BRMS1: variants seen among roughly 807,000 people sequenced by gnomAD.
BRMS1 encodes the protein breast cancer metastasis-suppressor 1.
Under a neutral mutation model 40.4 loss-of-function variants are expected in BRMS1, and 26 were observed. The ratio of observed to expected loss-of-function variants is 0.64; its 90% confidence interval spans 0.47 to 0.89. The LOEUF (loss-of-function observed/expected upper bound fraction) is 0.89, where lower values mean the gene tolerates loss of function less well. BRMS1 is among the 40% of genes least tolerant of loss of function. The probability of loss-of-function intolerance (pLI) is 0.00; values close to 1 mark genes in which losing one functional copy is unlikely to be tolerated. For synonymous variants in BRMS1, 103 were observed against 116.0 expected, an observed-to-expected ratio of 0.89 and a Z score of 0.72; for missense variants, 289 against 309.4, an observed-to-expected ratio of 0.93 and a Z score of 0.49.
At chr11:66,340,087 G>A (rs777230473) in intron 7 of BRMS1, 34 bp downstream of exon 7, 16 of 1,593,260 alleles carry the variant, frequency 1.0e-5, no homozygotes, top group Non-Finnish European at 1.2e-5. Context: ...CTTACATCCT[G>A]CCCACTTTTA....
rs776182648 is a variant in BRMS1, at chr11:66,341,038, T to C, written c.367A>G (p.Lys123Glu). ...CTGATCACATCCAGACAGAAGCCCT[T>C]GTAGATCCCTGCAGAGAAAGGGAGG... ...KIRIQVAGIYKGFCLDVIRNK... is the reference protein window; with the variant it reads ...KIRIQVAGIYEGFCLDVIRNK... Residue 123 changes from lysine to glutamate, a missense_variant, in exon 5 of 10, where the codon AAG becomes GAG. Lys to Glu is a moderately conservative substitution (Grantham distance 56). Transcript: ENST00000359957. The surrounding 1 kb of genome is among the most constrained non-coding windows in gnomAD (Gnocchi z 4.9). 1.2e-6 allele frequency: 2 copies of C among 1,613,910 alleles called. No individual in the cohort carries two copies. Among genetic ancestry groups the C allele is most frequent in the South Asian group, 1.1e-5 (1 of 91,082 alleles).
In BRMS1 at chr11:66,340,780, T is replaced by C; in HGVS notation, c.529A>G (p.Ser177Gly). The C allele has an allele frequency of 6.2e-7, 1 of 1,611,624 alleles. No homozygotes were observed. Among genetic ancestry groups the C allele is most frequent in the Non-Finnish European group, 8.5e-7 (1 of 1,179,664 alleles). ...CCCAGGCTCTCGCGCTTACCAGAGC[T>C]GAGGTCCAGGCTCTGGCGGTCCTCC... Reference protein sequence around the residue: ...LEEDRQSLDLSSEWWDDKLHA... With the variant: ...LEEDRQSLDLGSEWWDDKLHA... The change falls in exon 6 of 10, where the codon AGC becomes GGC. Residue 177 changes from serine (S) to glycine (G), a missense_variant. By Grantham distance (56) the Ser-to-Gly change is moderately conservative. Coordinates refer to ENST00000359957, the MANE Select transcript of BRMS1 (RefSeq NM_015399.4).
Position 66,337,790 on chromosome 11 carries a change from G to A in BRMS1, c.*92C>T, listed in dbSNP as rs773370814. 6 of 1,613,886 alleles carry A rather than the reference G, an allele frequency of 3.7e-6. No homozygotes were observed. Among genetic ancestry groups the A allele is most frequent in the Non-Finnish European group, 5.1e-6 (6 of 1,179,906 alleles). On this transcript the variant is annotated 3_prime_UTR_variant, in exon 10 of 10. Coordinates refer to ENST00000359957, the MANE Select transcript of BRMS1 (RefSeq NM_015399.4). ...AGCCTGGCTGGGCAGACCCTGAGGGGCCTGTGGGTCCGCCTGTCTGCAGGA... is the reference window on the plus strand; with the variant it reads ...AGCCTGGCTGGGCAGACCCTGAGGGACCTGTGGGTCCGCCTGTCTGCAGGA...
At position 66,338,227 on chromosome 11, in the gene BRMS1, C is replaced by G. The variant is rs1470051924; in HGVS notation, c.733+16G>C. 1 of 1,610,368 alleles carries G rather than the reference C, an allele frequency of 6.2e-7. No individual in the cohort carries two copies. Among genetic ancestry groups the G allele is most frequent in the Non-Finnish European group, 8.5e-7 (1 of 1,178,222 alleles). On this transcript the variant is annotated intron_variant, in intron 9 of 9. Transcript: ENST00000359957. ...CAAGGGGGCAGGGAAGGCCATGCAA[C>G]AGCCATGGTTCTTACCATCCGATTT...
At chr11:66,342,056 C>CTGTATG in intron 2 of BRMS1, 40 bp downstream of exon 2, 1 of 1,490,350 alleles carries the variant, frequency 6.7e-7, no homozygotes, top group Non-Finnish European at 9.2e-7. Context: ...TGTAGGGGCT[C>CTGTATG]TGTGTGTGTG....
intron 1 of BRMS1, among the ~76,000 whole-genome samples, chr11:66,344,261 CT>C (rs1386979782): frequency 6.6e-6 from 1 of 152,208 alleles, no homozygotes; most frequent in Non-Finnish European, 1.5e-5. Context: ...TTAGTTTTTA[CT>C]TTTCGGTAGT....
At chr11:66,338,668 A>G in intron 8 of BRMS1, 53 bp downstream of exon 8, 1 of 1,613,374 alleles carries the variant, frequency 6.2e-7, no homozygotes, top group Non-Finnish European at 8.5e-7. Flanking sequence ...AGCTGCTGCC[A>G]GGGTGGGGGG....
At chr11:66,339,951 G>T (rs567023944) in intron 7 of BRMS1, 170 bp downstream of exon 7, 4 of 585,692 alleles carry the variant, frequency 6.8e-6, no homozygotes, top group African/African-American at 1.9e-5. Flanking sequence ...CCAGGACCCC[G>T]TAAGAAACTG....
chr11:66,341,884 ACGTGCTTGTGTGT>A lies in BRMS1; in HGVS notation c.139+199_139+211del, dbSNP rs1855089955. On this transcript the variant is annotated intron_variant, in intron 2 of 9. Coordinates refer to ENST00000359957, the MANE Select transcript of BRMS1 (RefSeq NM_015399.4). The surrounding 1 kb of genome is among the most constrained non-coding windows in gnomAD (Gnocchi z 4.9). ...GTGTGAAGGGGCTGTGTGTGTGCAT[ACGTGCTTGTGTGT>A]AGGGGCTGTGTGTGCGTGCTTGTGT... 1 of 597,824 alleles carries A rather than the reference ACGTGCTTGTGTGT, an allele frequency of 1.7e-6. No homozygotes were observed. The highest frequency in any genetic ancestry group is 2.4e-5 in the African/African-American group (1 of 42,388). 37.0% of individuals were successfully genotyped at this position (597,824 alleles called of 1,614,324 possible).
chr11:66,341,258 C>T lies in BRMS1; in HGVS notation c.306G>A (p.Thr102=), dbSNP rs1272215504. The T allele has an allele frequency of 1.2e-5, 19 of 1,613,534 alleles. No homozygotes were observed. Among genetic ancestry groups the T allele is most frequent in the African/African-American group, 4.0e-5 (3 of 74,914 alleles). ...TCCGCTGCAGCCCCCCAAGGGGCTCCGTGTATTCAGGGGCTCTCTCAGCCC... is the reference window on the plus strand; with the variant it reads ...TCCGCTGCAGCCCCCCAAGGGGCTCTGTGTATTCAGGGGCTCTCTCAGCCC... ...EVGAERAPEY[T]EPLGGLQRSL... is the part of the protein sequence containing the mutation. Residue 102 remains threonine, a synonymous_variant, in exon 4 of 10, where the codon ACG becomes ACA. Coordinates refer to ENST00000359957, the MANE Select transcript of BRMS1 (RefSeq NM_015399.4). This position sits in a 1 kb window ranked among gnomAD's most constrained non-coding sequence, Gnocchi z 4.9.
chr11:66,339,116 A>C (rs1855008501), intron 7 of BRMS1, among the ~76,000 whole-genome samples: 1 of 152,094 alleles, frequency 6.6e-6, no homozygotes, highest in East Asian at 1.9e-4. Flanking sequence ...CGCAGGGCTT[A>C]TCCCTTCAGA....
In BRMS1 at chr11:66,341,599, C is replaced by T. The variant is rs773322973; in HGVS notation, c.164G>A (p.Arg55Gln). ...CTCACTGACACACTCGCTGCGGCGT[C>T]GCTCATAGTCCTCATCATCCATCTC... The part of the protein sequence containing the change: ...SSEMDDEDYE[R>Q]RRSECVSEML... The change falls in exon 3 of 10, where the codon CGA becomes CAA. Residue 55 changes from arginine to glutamine, a missense_variant. Coordinates refer to ENST00000359957, the MANE Select transcript of BRMS1 (RefSeq NM_015399.4). This position sits in a 1 kb window ranked among gnomAD's most constrained non-coding sequence, Gnocchi z 4.9. 1.4e-5 allele frequency: 23 copies of T among 1,614,114 alleles called. No homozygotes were observed. Among genetic ancestry groups the T allele is most frequent in the East Asian group, 2.2e-5 (1 of 44,876 alleles).
chr11:66,344,732 T>C (rs147927946), intron 1 of BRMS1: 1 of 152,464 alleles, frequency 6.6e-6, no homozygotes, highest in Non-Finnish European at 1.5e-5. Flanking sequence ...GGCAGGCCCC[T>C]AGGGAAGGCA....
Position 66,344,999 on chromosome 11 carries a change from G to A in BRMS1, c.-35C>T, listed in dbSNP as rs1293623661. 6.6e-6 allele frequency: 1 copy of A among 152,290 alleles called. No homozygotes were observed. The highest frequency in any genetic ancestry group is 6.5e-5 in the Admixed American group (1 of 15,290). The allele number at this position is 152,290 out of a possible 1,614,324, so 9.4% of individuals were successfully genotyped here. Reference sequence around the variant, plus strand: ...CGGGGACTGGAGCCTCTGGCCTCACGACGGAGATTCCCTGAGAGCTGCCCG... The same window carrying A: ...CGGGGACTGGAGCCTCTGGCCTCACAACGGAGATTCCCTGAGAGCTGCCCG... On this transcript the variant is annotated 5_prime_UTR_variant, in exon 1 of 10. Transcript: ENST00000359957.
intron 1 of BRMS1, among the ~76,000 whole-genome samples, chr11:66,344,198 C>T (rs942354999): frequency 2.6e-5 from 4 of 152,190 alleles, no homozygotes; most frequent in African/African-American, 9.7e-5. Flanking sequence ...CACTTGATGA[C>T]TGGAGGATTT....
chr11:66,341,745 TGC>T lies in BRMS1; in HGVS notation c.140-124_140-123del. ...CCTGTGTGTAGGGCCTGTGTGTGTGTGCGCGTACATGCTTGTGTGAAGGGGCT... is the reference window on the plus strand; with the variant it reads ...CCTGTGTGTAGGGCCTGTGTGTGTGTGCGTACATGCTTGTGTGAAGGGGCT... On this transcript the variant is annotated intron_variant, in intron 2 of 9. Transcript: ENST00000359957. This position sits in a 1 kb window ranked among gnomAD's most constrained non-coding sequence, Gnocchi z 4.9. The T allele has an allele frequency of 3.5e-6, 3 of 846,108 alleles. No homozygotes were observed. The highest frequency in any genetic ancestry group is 1.4e-5 in the South Asian group (1 of 72,272). The allele number at this position is 846,108 out of a possible 1,614,324, so 52.4% of individuals were successfully genotyped here.
In BRMS1 at chr11:66,337,368, G is replaced by A. The variant is rs1368506568; in HGVS notation, c.*514C>T. The A allele has an allele frequency of 8.0e-6, 3 of 375,818 alleles. No individual in the cohort carries two copies. The highest frequency in any genetic ancestry group is 1.5e-5 in the Non-Finnish European group (3 of 204,896). 23.3% of individuals were successfully genotyped at this position (375,818 alleles called of 1,614,324 possible). ...AGGAAAGGTTTTAATTCCAGTCCTT[G>A]GAATCTGAGAAGCAGACACCAAGAA... is the stretch of plus-strand genomic sequence containing the variant. On this transcript the variant is annotated 3_prime_UTR_variant, in exon 10 of 10. Coordinates refer to ENST00000359957, the MANE Select transcript of BRMS1 (RefSeq NM_015399.4).
Position 66,342,191 on chromosome 11 carries a change from G to C in BRMS1, c.44C>G (p.Ala15Gly). Residue 15 changes from alanine (A) to glycine (G), a missense_variant, in exon 2 of 10, where the codon GCA (alanine) becomes GGA (glycine). Ala to Gly is a moderately conservative substitution (Grantham distance 60). Transcript: ENST00000359957. ...CATCTCAGCAGCAGAATCACCCTCT[G>C]CTTCCATCTCTTCTGTGTCTTTGCT... ...PPSKDTEEME[A>G]EGDSAAEMNG... 6.2e-7 allele frequency: 1 copy of C among 1,613,776 alleles called. No individual in the cohort carries two copies. The highest frequency in any genetic ancestry group is 8.5e-7 in the Non-Finnish European group (1 of 1,180,002).
At chr11:66,338,130 C>T in intron 9 of BRMS1, 113 bp downstream of exon 9, 1 of 1,432,896 alleles carries the variant, frequency 7.0e-7, no homozygotes, top group Admixed American at 2.1e-5. Context: ...CTTTCTTGAG[C>T]CACTGATTCT....
Sources: allele counts gnomAD v4.1 joint callset (sites outside exome capture counted in the v4.1 genomes callset), GRCh38; gene constraint gnomAD v4.1.1; non-coding constraint Gnocchi (gnomAD v3.1); transcripts MANE v1.5; gene names NCBI Gene and HGNC (gene_info 2026-07-23, HGNC 2026-07-21).